The following CPS1 variants were observed in gnomAD, a reference collection of about 807,000 sequenced individuals.
CPS1 encodes the protein carbamoyl-phosphate synthase 1.
CPS1 carries 109 observed loss-of-function variants against 174.6 expected under a neutral mutation model. The observed-to-expected ratio is 0.62, with a 90% CI of 0.53 to 0.73. The LOEUF is 0.73. Among genes scored for constraint, CPS1 ranks in the 30% least tolerant of loss-of-function variants. The pLI, the probability that CPS1 is intolerant of heterozygous loss-of-function variation, is 0.00. For missense variants in CPS1, 1,689 were observed against 1,821.9 expected, an observed-to-expected ratio of 0.93 and a Z score of 1.33; for synonymous variants, 637 against 632.0, an observed-to-expected ratio of 1.01 and a Z score of -0.12.
rs374311103 is a variant in CPS1 at position 210,674,997 on chromosome 2, A to G, written c.4161+36A>G. 2.0e-6 allele frequency: 3 copies of G among 1,493,824 alleles called. No individual in the cohort carries two copies. In the Admixed American group the frequency reaches 5.0e-5, roughly 25 times the overall value. The allele number at this position is 1,493,824 out of a possible 1,614,324, so 92.5% of individuals were successfully genotyped here. ...TAGTTTTAAGTTGTTTTCTGTCAGCATGGAATCTGTCCACAAATCAAAATA... is the reference window on the plus strand; with the variant it reads ...TAGTTTTAAGTTGTTTTCTGTCAGCGTGGAATCTGTCCACAAATCAAAATA... On this transcript the variant is annotated intron_variant, in intron 35 of 37. Transcript: ENST00000233072.
rs763191148 is a variant in CPS1, at chr2:210,612,184, T to C, written c.2459T>C (p.Ile820Thr). Residue 820 changes from isoleucine to threonine, a missense_variant, in exon 20 of 38, where the codon ATA becomes ACA. Transcript: ENST00000233072. ...QKALRMCHPS[I>T]EGFTPRLPMN... ...GCTTTACGGATGTGCCACCCATCTA[T>C]AGAAGGTTTCACTCCCCGTCTCCCA... is the stretch of plus-strand genomic sequence containing the variant. 2.8e-5 allele frequency: 45 copies of C among 1,612,136 alleles called. No individual in the cohort carries two copies. The highest frequency in any genetic ancestry group is 3.6e-5 in the Non-Finnish European group (43 of 1,178,870).
At chr2:210,579,906 G>T in intron 5 of CPS1, 136 bp downstream of exon 5, 2 of 728,914 alleles carry the variant, frequency 2.7e-6, no homozygotes, top group Non-Finnish European at 4.8e-6. Context: ...TGCTATCTGG[G>T]TCTCTGTTAT....
intron 21 of CPS1, among the ~76,000 whole-genome samples, chr2:210,630,728 C>T (rs1699839771): frequency 6.6e-6 from 1 of 152,272 alleles, no homozygotes; most frequent in South Asian, 2.1e-4. Context: ...TTCTAAATGC[C>T]ACTTCTATTT....
chr2:210,595,637 T>A, intron 13 of CPS1, 55 bp downstream of exon 13: 1 of 1,177,900 alleles, frequency 8.5e-7, no homozygotes, highest in Non-Finnish European at 1.3e-6. Context: ...TGAGTCTAAT[T>A]AGTATTTTAT....
In CPS1 at chr2:210,634,285, C is replaced by T. The variant is rs989617005; in HGVS notation, c.2688-3417C>T. Among the ~76,000 whole-genome samples, 8 of 152,232 alleles carry T rather than the reference C, an allele frequency of 5.3e-5. No homozygotes were observed. The East Asian group carries it at 1.5e-3, about 29-fold the overall frequency. ...CTCTACTAAAAATACAAAAAATTAG[C>T]CAGGCGTGATGGCGGACACCTGTCG... is the stretch of plus-strand genomic sequence containing the variant. On this transcript the variant is annotated intron_variant, in intron 21 of 37. Coordinates refer to ENST00000233072, the MANE Select transcript of CPS1 (RefSeq NM_001875.5).
At chr2:210,600,112 C>CA (rs533203257) in intron 14 of CPS1, among the ~76,000 whole-genome samples, 2,199 of 124,796 alleles carry the variant, frequency 0.018, 39 homozygotes, top group Middle Eastern at 0.065. Flanking sequence ...ACTTGTATGT[C>CA]AAAAAAAAAA....
At chr2:210,527,429 T>C (rs1696004040) in intron 1 of CPS1, among the ~76,000 whole-genome samples, 3 of 151,916 alleles carry the variant, frequency 2.0e-5, no homozygotes, top group East Asian at 1.9e-4. Flanking sequence ...CTCAGTTTAA[T>C]TATTTTCTTA....
chr2:210,497,893 C>CATGTATATATATATAT (rs1695033070), intron 1 of CPS1, among the ~76,000 whole-genome samples: 1 of 86,940 alleles, frequency 1.2e-5, no homozygotes, highest in Non-Finnish European at 2.3e-5. Flanking sequence ...TATATACATA[C>CATGTATATATATATAT]ATATATATAT....
chr2:210,537,729 A>T (rs1472581876), intron 1 of CPS1, among the ~76,000 whole-genome samples: 2 of 152,188 alleles, frequency 1.3e-5, no homozygotes, highest in Admixed American at 1.3e-4. Context: ...GTTGTGATTC[A>T]TCAGGTACTG....
chr2:210,568,822 A>G (rs1312836045), intron 1 of CPS1, among the ~76,000 whole-genome samples: 1 of 152,120 alleles, frequency 6.6e-6, no homozygotes, highest in Non-Finnish European at 1.5e-5. Context: ...CCAATAATAA[A>G]ACAAGTGAAT....
chr2:210,608,635 TA>T, intron 19 of CPS1, 76 bp downstream of exon 19: 1 of 1,423,704 alleles, frequency 7.0e-7, no homozygotes, highest in Non-Finnish European at 9.9e-7. Flanking sequence ...TTGACAGTGT[TA>T]AAGTTGCCTG....
At chr2:210,556,466 A>G, upstream of CPS1, 2 of 834,184 alleles carry the variant, frequency 2.4e-6, no homozygotes, top group Non-Finnish European at 3.7e-6. Flanking sequence ...TTAGCAGGAG[A>G]AGGTAGTATT....
chr2:210,542,519 C>A (rs1378129009), intron 1 of CPS1, among the ~76,000 whole-genome samples: 1 of 152,086 alleles, frequency 6.6e-6, no homozygotes, highest in Non-Finnish European at 1.5e-5. Flanking sequence ...TCTCCTCCTA[C>A]CCTCCTGTTA....
intron 27 of CPS1, 122 bp downstream of exon 27, chr2:210,648,662 C>G (rs944824852): frequency 2.2e-5 from 19 of 862,126 alleles, no homozygotes; most frequent in Admixed American, 5.4e-5. Context: ...TTAACAATTT[C>G]CAAACCATCA....
At chr2:210,666,317 G>A (rs879811800) in intron 33 of CPS1, among the ~76,000 whole-genome samples, 3 of 149,762 alleles carry the variant, frequency 2.0e-5, no homozygotes, top group Admixed American at 2.0e-4. Flanking sequence ...CTGTGCAGAA[G>A]CTCTTTAGTT....
intron 21 of CPS1, among the ~76,000 whole-genome samples, chr2:210,622,796 A>G (rs1699574008): frequency 6.6e-6 from 1 of 150,716 alleles, no homozygotes; most frequent in African/African-American, 2.4e-5. Flanking sequence ...ATGAACAGGC[A>G]AGAAAAAAAA....
chr2:210,515,811 T>G (rs1169450134), intron 1 of CPS1, among the ~76,000 whole-genome samples: 1 of 151,930 alleles, frequency 6.6e-6, no homozygotes, highest in Non-Finnish European at 1.5e-5. Flanking sequence ...TTGAGATCTT[T>G]CTAGCTTTTT....
intron 1 of CPS1, among the ~76,000 whole-genome samples, chr2:210,514,311 A>G (rs1695613083): frequency 6.6e-6 from 1 of 152,032 alleles, no homozygotes; most frequent in South Asian, 2.1e-4. Flanking sequence ...CTTCCTATCC[A>G]TGAACATAAA....
At position 210,605,219 on chromosome 2, in the gene CPS1, A is replaced by T; in HGVS notation, c.1954A>T (p.Asn652Tyr). 2.5e-6 allele frequency: 4 copies of T among 1,612,152 alleles called. No individual in the cohort carries two copies. The highest frequency in any genetic ancestry group is 2.5e-6 in the Non-Finnish European group (3 of 1,178,736). ...DNCVTVCNME[N>Y]VDAMGVHTGD... Reference sequence around the variant, plus strand: ...TTGTGTCACTGTCTGTAACATGGAAAATGTTGATGCCATGGGTGTTCACAC... The same window carrying T: ...TTGTGTCACTGTCTGTAACATGGAATATGTTGATGCCATGGGTGTTCACAC... Residue 652 changes from asparagine to tyrosine, a missense_variant, in exon 17 of 38, where the codon AAT becomes TAT. Coordinates refer to ENST00000233072, the MANE Select transcript of CPS1 (RefSeq NM_001875.5).
Sources: gnomAD v4.1 joint callset for allele counts (sites outside exome capture counted in the v4.1 genomes callset) on GRCh38, gnomAD v4.1.1 for gene constraint, MANE v1.5 for transcripts, NCBI Gene and HGNC (gene_info 2026-07-23, HGNC 2026-07-21) for gene names.